The following DGKB variants were observed in gnomAD, a reference collection of about 807,000 sequenced individuals.
The protein encoded by DGKB is 90 kDa diacylglycerol kinase.
In DGKB, 67 loss-of-function variants were observed where a neutral mutation model predicts 114.3. That is an observed-to-expected ratio of 0.59 (90% CI 0.48 to 0.72). DGKB has a LOEUF of 0.72. Ranked by LOEUF, DGKB falls within the 30% of genes least tolerant of loss-of-function variation. DGKB has a pLI of 0.00. For missense variants in DGKB, 907 were observed against 975.2 expected, an observed-to-expected ratio of 0.93 and a Z score of 0.93; for synonymous variants, 398 against 323.1, an observed-to-expected ratio of 1.23 and a Z score of -2.49.
Position 14,682,679 on chromosome 7 carries a change from A to G in DGKB, c.919-10T>C, listed in dbSNP as rs2128969853. 1 of 1,611,142 alleles carries G rather than the reference A, an allele frequency of 6.2e-7. No homozygotes were observed. Among genetic ancestry groups the G allele is most frequent in the East Asian group, 2.2e-5 (1 of 44,860 alleles). The stretch of plus-strand genomic sequence containing the variant: ...AGTAATGGTGCATGACCTAGAACAG[A>G]ATGACAACATTGTGATAAGAGGACA... On this transcript the variant is annotated splice_polypyrimidine_tract_variant and intron_variant, in intron 11 of 25. Coordinates refer to ENST00000402815, the MANE Select transcript of DGKB (RefSeq NM_001350709.2).
At chr7:14,270,141 A>T (rs1798078627) in intron 23 of DGKB, among the ~76,000 whole-genome samples, 1 of 150,686 alleles carries the variant, frequency 6.6e-6, no homozygotes, top group African/African-American at 2.4e-5. Context: ...GTAAGATGGT[A>T]GTAGAAACAG....
intron 2 of DGKB, among the ~76,000 whole-genome samples, chr7:14,789,650 C>T (rs1034009043): frequency 2.0e-5 from 3 of 152,068 alleles, no homozygotes; most frequent in South Asian, 4.1e-4. Context: ...GACCTCCTGG[C>T]TCAAGTGATG....
chr7:14,641,053 C>T (rs1399123408), intron 13 of DGKB, among the ~76,000 whole-genome samples: 1 of 152,162 alleles, frequency 6.6e-6, no homozygotes, highest in Non-Finnish European at 1.5e-5. Flanking sequence ...TAGAAGTTCA[C>T]ATATTTGGGA....
At chr7:14,646,864 A>C (rs75804178) in intron 13 of DGKB, among the ~76,000 whole-genome samples, 1 of 151,918 alleles carries the variant, frequency 6.6e-6, no homozygotes, top group African/African-American at 2.4e-5. Context: ...GAACACCTAT[A>C]TAAAAAATTA....
chr7:14,414,055 A>G (rs1825316898), intron 21 of DGKB, among the ~76,000 whole-genome samples: 1 of 152,146 alleles, frequency 6.6e-6, no homozygotes, highest in Admixed American at 6.6e-5. Flanking sequence ...AAGTTGTGAT[A>G]TTATACAGAT....
intron 1 of DGKB, among the ~76,000 whole-genome samples, chr7:14,879,851 T>C (rs932854661): frequency 2.0e-5 from 3 of 152,194 alleles, no homozygotes; most frequent in Non-Finnish European, 2.9e-5. Flanking sequence ...GACAATTGTA[T>C]GTCTGATTCT....
Position 14,941,082 on chromosome 7 carries a change from CAG to C in DGKB, c.-188+33612_-188+33613del, listed in dbSNP as rs533780544. 1.9e-4 allele frequency among the ~76,000 whole-genome samples: 29 copies of C among 151,802 alleles called. No homozygotes were observed. In the South Asian group the frequency reaches 4.4e-3, roughly 23 times the overall value. ...ATTTAAATACTAGATGTGAGGAAGA[CAG>C]AGTTATATTTTTTCATAAAAATATA... On this transcript the variant is annotated intron_variant, in intron 1 of 4. Coordinates refer to the DGKB transcript ENST00000437998.
At chr7:14,733,750 G>GAAGA (rs112075915) in intron 5 of DGKB, among the ~76,000 whole-genome samples, 511 of 6,598 alleles carry the variant, frequency 0.077, 4 homozygotes, top group Middle Eastern at 0.2. Flanking sequence ...AAGAAATAAA[G>GAAGA]AAGAAAGAAA....
intron 17 of DGKB, among the ~76,000 whole-genome samples, chr7:14,591,036 G>A (rs879106910): frequency 2.0e-5 from 3 of 152,044 alleles, no homozygotes; most frequent in South Asian, 2.1e-4. Flanking sequence ...GAGACACAAG[G>A]TACAGAGGAA....
At chr7:14,159,785 G>A (rs192969162) in intron 25 of DGKB, among the ~76,000 whole-genome samples, 36 of 152,242 alleles carry the variant, frequency 2.4e-4, no homozygotes, top group African/African-American at 8.4e-4. Context: ...TGATTCTTCT[G>A]CCTTAGCTTC....
chr7:14,953,550 G>A lies in DGKB; in HGVS notation c.-188+21146C>T, dbSNP rs549049779. On this transcript the variant is annotated intron_variant, in intron 1 of 4. Transcript: ENST00000437998. Reference sequence around the variant, plus strand: ...ATTATAATAAAGACAGGTAATAACAGGTGTTGACATAAATGGAGATATTAG... The same window carrying A: ...ATTATAATAAAGACAGGTAATAACAAGTGTTGACATAAATGGAGATATTAG... Among the ~76,000 whole-genome samples the A allele has an allele frequency of 2.4e-4, 37 of 152,116 alleles. No individual in the cohort carries two copies. The South Asian group carries it at 7.5e-3, about 31-fold the overall frequency.
At chr7:14,224,164 C>T (rs769424129) in intron 23 of DGKB, among the ~76,000 whole-genome samples, 1 of 151,804 alleles carries the variant, frequency 6.6e-6, no homozygotes, top group Non-Finnish European at 1.5e-5. Context: ...CTCCATCTTG[C>T]AATATGTTAA....
intron 1 of DGKB, among the ~76,000 whole-genome samples, chr7:14,849,911 T>A (rs1196019870): frequency 6.6e-6 from 1 of 152,000 alleles, no homozygotes; most frequent in Non-Finnish European, 1.5e-5. Flanking sequence ...GGCAAGAGTG[T>A]AGTGGAAGAA....
intron 21 of DGKB, among the ~76,000 whole-genome samples, chr7:14,408,308 G>A (rs1419068760): frequency 2.0e-5 from 3 of 152,052 alleles, no homozygotes; most frequent in Non-Finnish European, 2.9e-5. Flanking sequence ...TATCATGGAA[G>A]TACTTCGGAT....
chr7:14,177,259 T>C (rs1309293344), intron 24 of DGKB, among the ~76,000 whole-genome samples: 1 of 152,048 alleles, frequency 6.6e-6, no homozygotes. Flanking sequence ...TTCTCCCAGT[T>C]CTTCTAGCAC....
intron 1 of DGKB, among the ~76,000 whole-genome samples, chr7:14,952,715 T>C (rs1786274618): frequency 1.3e-5 from 2 of 151,846 alleles, no homozygotes. Context: ...GCAGAGATCA[T>C]GCCACTGCAC....
At chr7:14,809,765 G>C (rs950512762) in intron 2 of DGKB, among the ~76,000 whole-genome samples, 2 of 152,164 alleles carry the variant, frequency 1.3e-5, no homozygotes, top group Non-Finnish European at 2.9e-5. Flanking sequence ...GCAAGGAATG[G>C]GGAACATTAA....
At chr7:14,244,056 A>G (rs183619736) in intron 23 of DGKB, among the ~76,000 whole-genome samples, 1 of 87,238 alleles carries the variant, frequency 1.1e-5, no homozygotes. Context: ...AGAGAGAGGG[A>G]GAGAGAGAGA....
At chr7:14,452,654 A>G (rs1349181187) in intron 21 of DGKB, among the ~76,000 whole-genome samples, 5 of 152,074 alleles carry the variant, frequency 3.3e-5, no homozygotes, top group Non-Finnish European at 5.9e-5. Context: ...AGTGAAACTG[A>G]CTGAATTTAT....
Sources: gnomAD v4.1 joint callset for allele counts (sites outside exome capture counted in the v4.1 genomes callset) on GRCh38, gnomAD v4.1.1 for gene constraint, MANE v1.5 for transcripts, NCBI Gene and HGNC (gene_info 2026-07-23, HGNC 2026-07-21) for gene names.